EXOC6: variants seen among roughly 807,000 people sequenced by gnomAD.
EXOC6 encodes the protein SEC15-like 1.
EXOC6 carries 60 observed loss-of-function variants against 112.5 expected under a neutral mutation model. The ratio of observed to expected loss-of-function variants is 0.53; its 90% CI spans 0.43 to 0.66. The LOEUF (loss-of-function observed/expected upper bound fraction) is 0.66. Ranked by LOEUF, EXOC6 falls within the 30% of genes least tolerant of loss-of-function variation. The probability of loss-of-function intolerance (pLI) is 0.00; values close to 1 mark genes in which losing one functional copy is unlikely to be tolerated. For missense variants in EXOC6, 855 were observed against 957.1 expected, an observed-to-expected ratio of 0.89 and a Z score of 1.41; for synonymous variants, 295 against 308.0, an observed-to-expected ratio of 0.96 and a Z score of 0.44.
At chr10:92,965,050 A>G (rs1346353948) in intron 17 of EXOC6, among the ~76,000 whole-genome samples, 1 of 152,160 alleles carries the variant, frequency 6.6e-6, no homozygotes, top group Admixed American at 6.6e-5. Context: ...GCAAGACCCA[A>G]CCTTGGAGCT....
chr10:92,931,853 A>C (rs556724284), intron 9 of EXOC6, among the ~76,000 whole-genome samples: 1 of 152,084 alleles, frequency 6.6e-6, no homozygotes, highest in Non-Finnish European at 1.5e-5. Context: ...ATAAAATTAT[A>C]CTGCCACTTT....
At chr10:92,857,863 T>A (rs560741940) in intron 1 of EXOC6, among the ~76,000 whole-genome samples, 182 of 152,282 alleles carry the variant, frequency 1.2e-3, no homozygotes, top group African/African-American at 4.2e-3. Flanking sequence ...CGTGAGGAAA[T>A]TCCTTTTGTA....
At chr10:93,051,724 TC>T (rs1177643534) in intron 20 of EXOC6, among the ~76,000 whole-genome samples, 1 of 152,226 alleles carries the variant, frequency 6.6e-6, no homozygotes, top group Non-Finnish European at 1.5e-5. Context: ...GACCCATTTT[TC>T]TTGAATTCCC....
At chr10:92,839,888 T>C (rs1390096568) in intron 1 of EXOC6, among the ~76,000 whole-genome samples, 1 of 152,022 alleles carries the variant, frequency 6.6e-6, no homozygotes, top group Admixed American at 6.6e-5. Flanking sequence ...TGCAGAGGGC[T>C]GGGAAAAATA....
intron 17 of EXOC6, among the ~76,000 whole-genome samples, chr10:92,971,877 G>A (rs1842315000): frequency 6.6e-6 from 1 of 151,916 alleles, no homozygotes; most frequent in South Asian, 2.1e-4. Flanking sequence ...ATTTTTTGTT[G>A]ATAACTGTAC....
At chr10:92,839,037 C>T (rs1037263297) in intron 1 of EXOC6, among the ~76,000 whole-genome samples, 5 of 151,934 alleles carry the variant, frequency 3.3e-5, no homozygotes, top group Non-Finnish European at 5.9e-5. Context: ...CGGGCCACTG[C>T]ACTCTGGCCC....
In EXOC6 at chr10:93,021,683, C is replaced by A. The variant is rs549351902; in HGVS notation, c.2169+7416C>A. 7.2e-5 allele frequency among the ~76,000 whole-genome samples: 11 copies of A among 152,288 alleles called. No homozygotes were observed. The South Asian group carries it at 2.3e-3, about 32-fold the overall frequency. On this transcript the variant is annotated intron_variant, in intron 20 of 21. Transcript: ENST00000260762. ...CAGGATTGATTGTATATTCATTTCC[C>A]AGTTAGTTTAAGGTCACTTAGTGGG...
At chr10:92,973,696 GTTAGATAGAGGTGGTC>G (rs1048957976) in intron 17 of EXOC6, among the ~76,000 whole-genome samples, 1 of 152,252 alleles carries the variant, frequency 6.6e-6, no homozygotes, top group African/African-American at 2.4e-5. Context: ...TGAATCAGGG[GTTAGATAGAGGTGGTC>G]TTCTGTGTTC....
chr10:92,941,892 T>G (rs1652676952), intron 13 of EXOC6, among the ~76,000 whole-genome samples: 1 of 152,224 alleles, frequency 6.6e-6, no homozygotes. Flanking sequence ...TTTTTCTTTT[T>G]GTCTCTTTCT....
At chr10:92,991,089 C>G (rs572452151) in intron 18 of EXOC6, among the ~76,000 whole-genome samples, 1 of 151,562 alleles carries the variant, frequency 6.6e-6, no homozygotes, top group South Asian at 2.1e-4. Context: ...TATATGTAAA[C>G]CACTTCTGTT....
chr10:92,878,785 A>G (rs988855024), intron 1 of EXOC6, among the ~76,000 whole-genome samples: 1 of 152,136 alleles, frequency 6.6e-6, no homozygotes, highest in African/African-American at 2.4e-5. Context: ...TTGTTTTTTT[A>G]AGCCAGGTTT....
chr10:93,004,924 C>T (rs1000919496), intron 19 of EXOC6, among the ~76,000 whole-genome samples: 4 of 152,118 alleles, frequency 2.6e-5, no homozygotes, highest in Admixed American at 2.0e-4. Flanking sequence ...TTCAAGATAA[C>T]GTCCTGGTTC....
intron 4 of EXOC6, among the ~76,000 whole-genome samples, chr10:92,898,299 G>A (rs987359957): frequency 1.3e-5 from 2 of 151,768 alleles, no homozygotes; most frequent in Admixed American, 1.3e-4. Context: ...AGCTGTGGTG[G>A]CGTACCTGTG....
upstream of EXOC6, among the ~76,000 whole-genome samples, chr10:92,845,812 C>T (rs536486464): frequency 3.9e-5 from 6 of 152,066 alleles, no homozygotes; most frequent in South Asian, 1.2e-3. Flanking sequence ...GTGGCACGTG[C>T]CTGTAATCCC....
intron 1 of EXOC6, among the ~76,000 whole-genome samples, chr10:92,872,326 A>G (rs1204231693): frequency 2.0e-5 from 3 of 151,902 alleles, no homozygotes; most frequent in Non-Finnish European, 4.4e-5. Flanking sequence ...TTTTGCTACT[A>G]ATTTCTACTT....
chr10:92,908,668 G>T (rs1850575496), intron 5 of EXOC6, among the ~76,000 whole-genome samples: 1 of 152,112 alleles, frequency 6.6e-6, no homozygotes, highest in South Asian at 2.1e-4. Context: ...TCTATAGAAT[G>T]CTACTTGTAA....
chr10:92,851,669 CAAACAAAAAA>C (rs1847346381), intron 1 of EXOC6, among the ~76,000 whole-genome samples: 1 of 149,216 alleles, frequency 6.7e-6, no homozygotes, highest in African/African-American at 2.5e-5. Context: ...AAAACAAAAA[CAAACAAAAAA>C]AAAACAAAAC....
Position 92,928,368 on chromosome 10 carries a change from T to C in EXOC6, c.918T>C (p.Tyr306=), listed in dbSNP as rs773701554. 1.9e-6 allele frequency: 3 copies of C among 1,610,386 alleles called. No individual in the cohort carries two copies. The South Asian group carries it at 3.3e-5, about 18-fold the overall frequency. ...LGDEETFENY[Y]RKQRKKQARL... is the part of the protein sequence containing the mutation. The stretch of plus-strand genomic sequence containing the variant: ...ACGAGGAAACATTTGAAAACTATTA[T>C]CGAAAACAAAGAAAGAAACAAGCAA... The change falls in exon 9 of 22, where the codon TAT becomes TAC. Residue 306 remains tyrosine, a synonymous_variant. Coordinates refer to ENST00000260762, the MANE Select transcript of EXOC6 (RefSeq NM_019053.6).
At chr10:92,896,067 ATGTG>A (rs58024012) in intron 4 of EXOC6, among the ~76,000 whole-genome samples, 1 of 54,200 alleles carries the variant, frequency 1.8e-5, no homozygotes, top group Non-Finnish European at 3.5e-5. Flanking sequence ...GTGTATATAT[ATGTG>A]TATATATATG....
Sources: gnomAD v4.1 joint callset for allele counts (sites outside exome capture counted in the v4.1 genomes callset) on GRCh38, gnomAD v4.1.1 for gene constraint, MANE v1.5 for transcripts, NCBI Gene and HGNC (gene_info 2026-07-23, HGNC 2026-07-21) for gene names.